DGKK: variants seen among roughly 807,000 people sequenced by gnomAD.
The protein encoded by DGKK is diacylglycerol kinase kappa.
In DGKK, 35 loss-of-function variants were observed where a neutral mutation model predicts 92.2. That is an observed-to-expected ratio of 0.38 (90% CI 0.29 to 0.50). DGKK has a LOEUF of 0.50. Ranked by LOEUF, DGKK falls within the 20% of genes least tolerant of loss-of-function variation. The pLI is 0.92. For missense variants in DGKK, 910 were observed against 992.2 expected, an observed-to-expected ratio of 0.92 and a Z score of 1.11; for synonymous variants, 368 against 360.6, an observed-to-expected ratio of 1.02 and a Z score of -0.23.
rs928690141 is a variant in DGKK, at chrX:50,376,917, T to C, written c.3113A>G (p.Asp1038Gly). Reference protein sequence around the residue: ...NAAQMLTRDRDFENSMKMWEY... With the variant: ...NAAQMLTRDRGFENSMKMWEY... ...CCACATTTTCATTGAGTTCTCAAAG[T>C]CCTGGAGATGAATACAGTGGCATAT... Residue 1038 changes from aspartate to glycine, a missense_variant and splice_region_variant, in exon 23 of 28, where the codon GAC (aspartate) becomes GGC (glycine). Physicochemically the swap from Asp to Gly is moderately conservative, Grantham distance 94. Transcript: ENST00000611977. 1 of 1,193,202 alleles carries C rather than the reference T, an allele frequency of 8.4e-7. No individual in the cohort carries two copies. Among genetic ancestry groups the C allele is most frequent in the Non-Finnish European group, 1.1e-6 (1 of 885,742 alleles).
In DGKK at chrX:50,403,178, C is replaced by T. The variant is rs1557226831; in HGVS notation, c.1191G>A (p.Met397Ile). 7 of 1,191,502 alleles carry T rather than the reference C, an allele frequency of 5.9e-6. No individual in the cohort carries two copies. The highest frequency in any genetic ancestry group is 7.9e-6 in the Non-Finnish European group (7 of 883,949). The change falls in exon 7 of 28, where the codon ATG becomes ATA. Residue 397 changes from methionine (M) to isoleucine (I), a missense_variant. Physicochemically the swap from Met to Ile is conservative, Grantham distance 10 (BLOSUM62 1). Coordinates refer to ENST00000611977, the MANE Select transcript of DGKK (RefSeq NM_001013742.4). ...DLLLPADEVN[M>I]PHQWVEGNMP... ...TGTTTCCTTCTACCCATTGATGGGG[C>T]ATGTTCTGCAGAAGGGTAAAAAGAC...
At chrX:50,391,343 T>C (rs1924688449) in intron 11 of DGKK, 94 bp downstream of exon 11, 1 of 1,089,337 alleles carries the variant, frequency 9.2e-7, no homozygotes, top group South Asian at 2.2e-5. Context: ...AATGAGGCTC[T>C]ATCAATCAGA....
In DGKK at chrX:50,387,586, T is replaced by C. The variant is rs1924580083; in HGVS notation, c.2086A>G (p.Asn696Asp). ...ATCACAGACACTATTGCAGTGTTGT[T>C]CTGTTTTATCTGACCCCAGGCCTTT... The part of the protein sequence containing the change: ...IVKAWGQIKQ[N>D]NTAIVSVILK... Residue 696 changes from asparagine (N) to aspartate (D), a missense_variant, in exon 14 of 28, where the codon AAC (asparagine) becomes GAC (aspartate). By Grantham distance (23) the Asn-to-Asp change is conservative (BLOSUM62 1). Transcript: ENST00000611977. 8.3e-7 allele frequency: 1 copy of C among 1,206,592 alleles called. No homozygotes were observed. The highest frequency in any genetic ancestry group is 1.8e-5 in the African/African-American group (1 of 57,095).
intron 10 of DGKK, among the ~76,000 whole-genome samples, chrX:50,391,924 T>C (rs1924707156): frequency 9.0e-6 from 1 of 111,254 alleles, no homozygotes; most frequent in Non-Finnish European, 1.9e-5. Flanking sequence ...GCTACTGGAG[T>C]GAGAAGAGCA....
chrX:50,403,368 G>T, intron 6 of DGKK, 123 bp downstream of exon 6: 1 of 858,116 alleles, frequency 1.2e-6, no homozygotes, highest in Non-Finnish European at 1.7e-6. Context: ...TTCCAGATAA[G>T]TTGGATTGTG....
In DGKK at chrX:50,470,085, C is replaced by A; in HGVS notation, c.594G>T (p.Ser198=). The change falls in exon 1 of 28, where the codon TCG becomes TCT. Residue 198 remains serine, a synonymous_variant. Coordinates refer to ENST00000611977, the MANE Select transcript of DGKK (RefSeq NM_001013742.4). ...TRERGLKTSP[S]PSPSPSPRTP... is the part of the protein sequence containing the mutation. ...TTCTGGGCGATGGCGATGGCGATGG[C>A]GATGGCGAGGTCTTTAGACCTCTCT... 1 of 1,210,412 alleles carries A rather than the reference C, an allele frequency of 8.3e-7. No individual in the cohort carries two copies. Among genetic ancestry groups the A allele is most frequent in the South Asian group, 1.8e-5 (1 of 56,674 alleles).
At chrX:50,414,817 T>C (rs1925392304) in intron 4 of DGKK, among the ~76,000 whole-genome samples, 1 of 111,632 alleles carries the variant, frequency 9.0e-6, no homozygotes, top group Non-Finnish European at 1.9e-5. Context: ...AAGCCAGCAA[T>C]AGAGATGGGA....
In DGKK at chrX:50,470,759, C is replaced by T. The variant is rs1927059048; in HGVS notation, c.-81G>A. 3.5e-5 allele frequency: 36 copies of T among 1,033,759 alleles called. No individual in the cohort carries two copies. Among genetic ancestry groups the T allele is most frequent in the Non-Finnish European group, 4.5e-5 (36 of 794,961 alleles). The allele number at this position is 1,033,759 out of a possible 1,213,427, so 85.2% of individuals were successfully genotyped here. A position where few individuals can be genotyped will look rare whatever the true frequency, so the allele number is the denominator to read the frequency against. The stretch of plus-strand genomic sequence containing the variant: ...AGTACCCTCGGGCGCCCCGCCCACT[C>T]CAGTCCGGCAGCCCCTCGCAGGGTG... On this transcript the variant is annotated 5_prime_UTR_variant, in exon 1 of 28. It introduces an in-frame stop codon into an upstream open reading frame of the 5' UTR. Coordinates refer to ENST00000611977, the MANE Select transcript of DGKK (RefSeq NM_001013742.4).
Position 50,384,186 on chromosome X carries a change from T to C in DGKK, c.2531A>G (p.His844Arg). The change falls in exon 17 of 28, where the codon CAT becomes CGT. Residue 844 changes from histidine (H) to arginine (R), a missense_variant. His to Arg is a conservative substitution (Grantham distance 29). Transcript: ENST00000611977. The stretch of plus-strand genomic sequence containing the variant: ...TACTTACATAGATTCAGGTGTAAAA[T>C]GTAAGTGATCCAAGTTAAGGTTGTC... ...DLDNLNLDHL[H>R]FTPESIRFKE... 1 of 1,172,973 alleles carries C rather than the reference T, an allele frequency of 8.5e-7. No individual in the cohort carries two copies.
At chrX:50,390,143 G>A (rs1557225380) in intron 12 of DGKK, among the ~76,000 whole-genome samples, 185 bp downstream of exon 12, 1 of 112,344 alleles carries the variant, frequency 8.9e-6, no homozygotes, top group African/African-American at 3.2e-5. Flanking sequence ...AAGTAAATGA[G>A]TGAATGAATT....
chrX:50,386,646 A>G (rs1400287673), intron 14 of DGKK, 60 bp from the exon 15 acceptor site: 2 of 1,005,939 alleles, frequency 2.0e-6, no homozygotes, highest in African/African-American at 3.8e-5. Flanking sequence ...GAGAGGACAG[A>G]ATGAGGAGTG....
At chrX:50,464,458 T>C (rs1557233773) in intron 1 of DGKK, among the ~76,000 whole-genome samples, 1 of 110,463 alleles carries the variant, frequency 9.1e-6, no homozygotes, top group Admixed American at 9.7e-5. Flanking sequence ...AATATTTCTT[T>C]CTTTTTTTAA....
At chrX:50,424,712 A>AT (rs1356554673) in intron 1 of DGKK, among the ~76,000 whole-genome samples, 1 of 111,775 alleles carries the variant, frequency 8.9e-6, no homozygotes, top group Non-Finnish European at 1.9e-5. Context: ...GTAAAGGCAG[A>AT]TTTTCTGGAA....
chrX:50,389,804 A>AAT (rs2147123776), intron 12 of DGKK, among the ~76,000 whole-genome samples: 1 of 110,399 alleles, frequency 9.1e-6, no homozygotes, highest in South Asian at 4.0e-4. Context: ...CCTTTGGAAC[A>AAT]ATACACGCTG....
intron 7 of DGKK, among the ~76,000 whole-genome samples, chrX:50,402,106 T>C (rs143019310): frequency 0.011 from 1,209 of 111,637 alleles, 4 homozygotes; most frequent in Non-Finnish European, 0.018. Context: ...CATGGTAGTG[T>C]TGTAGTTAAG....
At chrX:50,394,466 C>T (rs1557225901) in intron 8 of DGKK, among the ~76,000 whole-genome samples, 1 of 111,942 alleles carries the variant, frequency 8.9e-6, no homozygotes, top group East Asian at 2.8e-4. Flanking sequence ...CTCACAGCTA[C>T]AAGGGGAGTC....
intron 1 of DGKK, among the ~76,000 whole-genome samples, chrX:50,460,546 C>T (rs1926717924): frequency 9.0e-6 from 1 of 111,483 alleles, no homozygotes; most frequent in East Asian, 2.8e-4. Flanking sequence ...GCCAATATTT[C>T]CTTTACAGGC....
chrX:50,454,515 T>C (rs1557232708), intron 1 of DGKK, among the ~76,000 whole-genome samples: 2 of 111,563 alleles, frequency 1.8e-5, no homozygotes, highest in Admixed American at 9.5e-5. Flanking sequence ...ACTTTCATTA[T>C]GTTACTCTCC....
At chrX:50,469,958 C>A (rs1029587527) in intron 1 of DGKK, 76 bp downstream of exon 1, 12 of 1,116,272 alleles carry the variant, frequency 1.1e-5, no homozygotes, top group Non-Finnish European at 8.3e-6. Context: ...CAAGGGGTAC[C>A]CGGAGTCCCG....
Sources: allele counts gnomAD v4.1 joint callset (sites outside exome capture counted in the v4.1 genomes callset), GRCh38; gene constraint gnomAD v4.1.1; transcripts MANE v1.5; gene names NCBI Gene and HGNC (gene_info 2026-07-23, HGNC 2026-07-21).